Variants in ECT2L observed in about 807,000 individuals in gnomAD.
The protein encoded by ECT2L is epithelial cell-transforming sequence 2 oncogene-like.
A neutral mutation model predicts 122.8 loss-of-function variants in ECT2L; 126 were observed. The observed-to-expected ratio is 1.03, with a 90% CI of 0.89 to 1.19. The LOEUF (loss-of-function observed/expected upper bound fraction) is 1.19. Among genes scored for constraint, ECT2L ranks in the 50% most tolerant of loss-of-function variants. ECT2L has a pLI of 0.00. For missense variants in ECT2L, 1,012 were observed against 1,064.1 expected, an observed-to-expected ratio of 0.95 and a Z score of 0.68; for synonymous variants, 385 against 381.8, an observed-to-expected ratio of 1.01 and a Z score of -0.10.
rs771005565 is a variant in ECT2L, at chr6:138,888,933, G to T, written c.2326-10G>T. 7.1e-7 allele frequency: 1 copy of T among 1,402,882 alleles called. No individual in the cohort carries two copies. Among genetic ancestry groups the T allele is most frequent in the South Asian group, 1.7e-5 (1 of 57,360 alleles). The allele number at this position is 1,402,882 out of a possible 1,614,324, so 86.9% of individuals were successfully genotyped here. A position where few individuals can be genotyped will look rare whatever the true frequency, so the allele number is the denominator to read the frequency against. The stretch of plus-strand genomic sequence containing the variant: ...TATATGTACTTCTAATTTTGTTTTT[G>T]ATTTTACAGACTCTATCAGAAGTAA... On this transcript the variant is annotated splice_polypyrimidine_tract_variant and intron_variant, in intron 19 of 21. Transcript: ENST00000541398.
intron 9 of ECT2L, among the ~76,000 whole-genome samples, chr6:138,853,191 C>T (rs1247659827): frequency 2.0e-5 from 3 of 152,170 alleles, no homozygotes; most frequent in Admixed American, 6.6e-5. Flanking sequence ...TGATCTCAAA[C>T]TCCTGACCTT....
chr6:138,899,893 A>C (rs1465135785), intron 20 of ECT2L, among the ~76,000 whole-genome samples: 2 of 152,194 alleles, frequency 1.3e-5, no homozygotes, highest in Admixed American at 6.5e-5. Flanking sequence ...GCTCGGCTAG[A>C]ACACTCCCAC....
intron 10 of ECT2L, among the ~76,000 whole-genome samples, chr6:138,861,431 G>A (rs569279871): frequency 2.4e-4 from 37 of 152,246 alleles, no homozygotes; most frequent in African/African-American, 8.4e-4. Context: ...TCTAACTGGC[G>A]TGAGATGGTA....
chr6:138,865,841 CT>C (rs1778014745), intron 12 of ECT2L, among the ~76,000 whole-genome samples: 1 of 152,342 alleles, frequency 6.6e-6, no homozygotes, highest in African/African-American at 2.4e-5. Context: ...TCCCCTACTA[CT>C]TTCCGCCTGA....
chr6:138,840,420 C>CT (rs1217862548), intron 5 of ECT2L, among the ~76,000 whole-genome samples: 2 of 152,040 alleles, frequency 1.3e-5, no homozygotes, highest in African/African-American at 4.8e-5. Context: ...TCCTGCATCT[C>CT]TGAGTTTCCA....
In ECT2L at chr6:138,844,473, G is replaced by T; in HGVS notation, c.657G>T (p.Lys219Asn). 2 of 1,614,150 alleles carry T rather than the reference G, an allele frequency of 1.2e-6. No individual in the cohort carries two copies. The highest frequency in any genetic ancestry group is 1.7e-6 in the Non-Finnish European group (2 of 1,180,034). Residue 219 changes from lysine (K) to asparagine (N), a missense_variant, in exon 7 of 22, where the codon AAG becomes AAT. Coordinates refer to ENST00000541398, the MANE Select transcript of ECT2L (RefSeq NM_001077706.3). The part of the protein sequence containing the change: ...VSGTCCSSVL[K>N]PRCQPRLSQT... ...GAACTTGCTGCTCTAGCGTGCTAAAGCCCAGATGCCAACCACGCCTCTCCC... is the reference window on the plus strand; with the variant it reads ...GAACTTGCTGCTCTAGCGTGCTAAATCCCAGATGCCAACCACGCCTCTCCC...
intron 12 of ECT2L, among the ~76,000 whole-genome samples, chr6:138,865,529 A>G (rs1778004712): frequency 6.6e-6 from 1 of 152,138 alleles, no homozygotes; most frequent in Non-Finnish European, 1.5e-5. Flanking sequence ...CTTATACCCC[A>G]GCACCTATTA....
chr6:138,805,175 A>G lies in ECT2L; in HGVS notation c.-243-7663A>G, dbSNP rs533086608. 5.9e-5 allele frequency among the ~76,000 whole-genome samples: 9 copies of G among 152,288 alleles called. No individual in the cohort carries two copies. The South Asian group carries it at 6.2e-4, about 11-fold the overall frequency. On this transcript the variant is annotated intron_variant, in intron 1 of 21. Coordinates refer to ENST00000541398, the MANE Select transcript of ECT2L (RefSeq NM_001077706.3). ...AGCAGGCTGTTCGTTTCATTGACGT[A>G]TAGTATTCTATTGCGTGAATGCATG... is the stretch of plus-strand genomic sequence containing the variant.
intron 4 of ECT2L, among the ~76,000 whole-genome samples, chr6:138,831,906 T>C (rs1188900343): frequency 1.3e-5 from 2 of 152,064 alleles, no homozygotes; most frequent in East Asian, 3.9e-4. Flanking sequence ...CTATAAATCT[T>C]CCCCCCAGGA....
intron 18 of ECT2L, among the ~76,000 whole-genome samples, chr6:138,886,338 T>C (rs1778820300): frequency 6.6e-6 from 1 of 152,212 alleles, no homozygotes; most frequent in South Asian, 2.1e-4. Context: ...CATTTTTCCA[T>C]GCAGATACTT....
At chr6:138,860,895 C>T (rs535505773) in intron 10 of ECT2L, among the ~76,000 whole-genome samples, 9 of 152,072 alleles carry the variant, frequency 5.9e-5, no homozygotes, top group African/African-American at 1.7e-4. Context: ...AACCCCCTGA[C>T]AGGCCCCAGT....
At chr6:138,895,865 CAATA>C (rs1488685017) in intron 20 of ECT2L, among the ~76,000 whole-genome samples, 1 of 151,712 alleles carries the variant, frequency 6.6e-6, no homozygotes, top group Non-Finnish European at 1.5e-5. Context: ...AAATAACAAA[CAATA>C]ACTATGACAC....
intron 4 of ECT2L, among the ~76,000 whole-genome samples, chr6:138,819,600 T>C (rs1319847623): frequency 6.6e-6 from 1 of 152,188 alleles, no homozygotes; most frequent in Non-Finnish European, 1.5e-5. Context: ...CAATAAATGC[T>C]TGTTGAATGA....
intron 10 of ECT2L, among the ~76,000 whole-genome samples, chr6:138,854,974 GT>G (rs199929918): frequency 6.6e-6 from 1 of 150,780 alleles, no homozygotes; most frequent in South Asian, 2.1e-4. Context: ...TTCTCATACT[GT>G]TTTTTTTTGT....
intron 10 of ECT2L, among the ~76,000 whole-genome samples, chr6:138,859,734 A>G (rs1297421034): frequency 1.3e-5 from 2 of 151,638 alleles, no homozygotes; most frequent in Admixed American, 6.6e-5. Flanking sequence ...CTTTATACAT[A>G]CTGGATAAAA....
intron 1 of ECT2L, among the ~76,000 whole-genome samples, chr6:138,800,089 T>C (rs80154843): frequency 0.016 from 2,420 of 152,216 alleles, 70 homozygotes; most frequent in African/African-American, 0.055. Context: ...GAGACACAGA[T>C]TGGGGTCTTC....
intron 20 of ECT2L, among the ~76,000 whole-genome samples, chr6:138,899,282 C>T (rs1043468355): frequency 6.6e-6 from 1 of 152,194 alleles, no homozygotes; most frequent in East Asian, 1.9e-4. Context: ...TGATGGTGCA[C>T]CCACACCATG....
At chr6:138,876,903 C>T (rs927323683) in intron 14 of ECT2L, among the ~76,000 whole-genome samples, 2 of 152,194 alleles carry the variant, frequency 1.3e-5, no homozygotes, top group Non-Finnish European at 2.9e-5. Context: ...AACTTACAGT[C>T]TGACTTCAAA....
intron 1 of ECT2L, among the ~76,000 whole-genome samples, chr6:138,804,209 G>A (rs1224796914): frequency 6.6e-6 from 1 of 152,194 alleles, no homozygotes; most frequent in African/African-American, 2.4e-5. Flanking sequence ...CACAGACCAT[G>A]CGTAATTGAT....
Sources: gnomAD v4.1 joint callset for allele counts (sites outside exome capture counted in the v4.1 genomes callset) on GRCh38, gnomAD v4.1.1 for gene constraint, MANE v1.5 for transcripts, NCBI Gene and HGNC (gene_info 2026-07-23, HGNC 2026-07-21) for gene names.